The following CUBN variants were observed in gnomAD, a reference collection of about 807,000 sequenced individuals.
CUBN encodes cubilin, also known as 460 kDa receptor.
In CUBN, 282 loss-of-function variants were observed where a neutral mutation model predicts 405.3. The observed-to-expected ratio is 0.70, with a 90% CI of 0.63 to 0.77. The LOEUF (loss-of-function observed/expected upper bound fraction) is 0.77. Ranked by LOEUF, CUBN falls within the 30% of genes least tolerant of loss-of-function variation. The pLI is 0.00. For synonymous variants in CUBN, 1,684 were observed against 1,617.0 expected (o/e 1.04, Z -0.99); for missense variants, 4,514 against 4,475.2 (o/e 1.01, Z -0.25).
chr10:17,001,313 G>A lies in CUBN; in HGVS notation c.4169-10798C>T, dbSNP rs546145680. On this transcript the variant is annotated intron_variant, in intron 28 of 66. Coordinates refer to ENST00000377833, the MANE Select transcript of CUBN (RefSeq NM_001081.4). ...AACCCCAGTGGATTGCCACTGGTGC[G>A]CAGGAGGCCAGCTTTTATTCCCTTA... Among the ~76,000 whole-genome samples, 28 of 152,296 alleles carry A rather than the reference G, an allele frequency of 1.8e-4. No individual in the cohort carries two copies. The South Asian group carries it at 2.9e-3, about 16-fold the overall frequency.
rs1374216237 is a variant in CUBN, at chr10:16,829,055, G to C, written c.10529-15C>G. 1.2e-6 allele frequency: 2 copies of C among 1,603,272 alleles called. No individual in the cohort carries two copies. The highest frequency in any genetic ancestry group is 1.7e-6 in the Non-Finnish European group (2 of 1,171,382). On this transcript the variant is annotated splice_polypyrimidine_tract_variant and intron_variant, in intron 65 of 66. Coordinates refer to ENST00000377833, the MANE Select transcript of CUBN (RefSeq NM_001081.4). Reference sequence around the variant, plus strand: ...TCCACCACATCCTGCAAGGAAAACAGGACAGGAAGTTTGATTCAACAGCAT... The same window carrying C: ...TCCACCACATCCTGCAAGGAAAACACGACAGGAAGTTTGATTCAACAGCAT...
chr10:17,011,638 C>G (rs956339439), intron 28 of CUBN, among the ~76,000 whole-genome samples: 18 of 152,118 alleles, frequency 1.2e-4, no homozygotes, highest in Non-Finnish European at 1.5e-5. Context: ...CTTTTATTCC[C>G]TTATTTGGCC....
intron 64 of CUBN, among the ~76,000 whole-genome samples, chr10:16,832,326 A>G (rs957056863): frequency 1.3e-5 from 2 of 152,220 alleles, no homozygotes; most frequent in African/African-American, 4.8e-5. Context: ...ATATAATTCC[A>G]TGGTTTAAAC....
chr10:16,936,651 A>G (rs1046270285), intron 39 of CUBN, among the ~76,000 whole-genome samples: 2 of 152,202 alleles, frequency 1.3e-5, no homozygotes, highest in Non-Finnish European at 2.9e-5. Flanking sequence ...GAAATATCTG[A>G]TTAATTTCTT....
rs1390977420 is a variant in CUBN, at chr10:16,836,345, T to C, written c.10070A>G (p.Asn3357Ser). The C allele has an allele frequency of 6.2e-6, 10 of 1,614,074 alleles. No individual in the cohort carries two copies. Among genetic ancestry groups the C allele is most frequent in the Non-Finnish European group, 8.5e-6 (10 of 1,179,902 alleles). ...GNSRFQFCGR[N>S]ASAVPVFYSS... ...ATAAAACACTGGCACAGCCGAAGCATTTCTGCCACAGAACTGAAATCTTGA... is the reference window on the plus strand; with the variant it reads ...ATAAAACACTGGCACAGCCGAAGCACTTCTGCCACAGAACTGAAATCTTGA... The change falls in exon 63 of 67, where the codon AAT becomes AGT. Residue 3357 changes from asparagine to serine, a missense_variant. Physicochemically the swap from Asn to Ser is conservative, Grantham distance 46. Around this residue, in one of 5 missense-constraint regions of CUBN, gnomAD observed 1,186 missense variants for 1,186.9 expected, o/e 1.00. Coordinates refer to ENST00000377833, the MANE Select transcript of CUBN (RefSeq NM_001081.4).
intron 59 of CUBN, among the ~76,000 whole-genome samples, chr10:16,861,947 G>A (rs1417908099): frequency 2.6e-5 from 4 of 152,048 alleles, no homozygotes; most frequent in Admixed American, 2.0e-4. Flanking sequence ...TCAGGAGTTC[G>A]AGACCAGCCT....
chr10:17,100,863 GAATACTGAGCATACAAGAATAACAGGAAA>G (rs1836478946), intron 13 of CUBN, among the ~76,000 whole-genome samples: 1 of 152,108 alleles, frequency 6.6e-6, no homozygotes, highest in African/African-American at 2.4e-5. Context: ...ATGAGAGGAA[GAATACTGAGCATACAAGAATAACAGGAAA>G]AATACTGAGC....
At chr10:17,129,398 C>G in intron 1 of CUBN, 148 bp from the exon 2 acceptor site, 1 of 1,024,722 alleles carries the variant, frequency 9.8e-7, no homozygotes, top group Non-Finnish European at 1.5e-6. Context: ...TCATCTGCCA[C>G]TTTTTTCTCT....
chr10:16,896,204 AG>A (rs1841179007), intron 54 of CUBN, among the ~76,000 whole-genome samples: 2 of 152,186 alleles, frequency 1.3e-5, no homozygotes, highest in African/African-American at 2.4e-5. Context: ...ATGATTCACA[AG>A]CTTTATGGGG....
intron 6 of CUBN, among the ~76,000 whole-genome samples, chr10:17,119,803 A>C (rs1163301182): frequency 6.6e-6 from 1 of 152,228 alleles, no homozygotes; most frequent in Non-Finnish European, 1.5e-5. Flanking sequence ...TCAAGCCAAA[A>C]GAATCAGTGG....
intron 28 of CUBN, among the ~76,000 whole-genome samples, chr10:16,994,909 G>T (rs1833690448): frequency 6.6e-6 from 1 of 152,258 alleles, no homozygotes; most frequent in African/African-American, 2.4e-5. Flanking sequence ...GTCCCAACAT[G>T]GTGAAACCCT....
chr10:17,084,363 T>G lies in CUBN; in HGVS notation c.2209A>C (p.Met737Leu), dbSNP rs779604235. 5 of 1,614,050 alleles carry G rather than the reference T, an allele frequency of 3.1e-6. No individual in the cohort carries two copies. In the East Asian group the frequency reaches 8.9e-5, roughly 29 times the overall value. Residue 737 changes from methionine (M) to leucine (L), a missense_variant, in exon 17 of 67, where the codon ATG (methionine) becomes CTG (leucine). Met to Leu is a conservative substitution (Grantham distance 15). Transcript: ENST00000377833. ...TGTTCTCCCTGGGGCTGCTTCATCATATAGACGCATTGCCTGGTGTGAGTG... is the reference window on the plus strand; with the variant it reads ...TGTTCTCCCTGGGGCTGCTTCATCAGATAGACGCATTGCCTGGTGTGAGTG... ...PFTHTRQCVYMMKQPQGEQIQ... is the reference protein window; with the variant it reads ...PFTHTRQCVYLMKQPQGEQIQ...
chr10:17,123,023 A>G (rs1056790174), intron 5 of CUBN, 125 bp from the exon 6 acceptor site: 1 of 726,806 alleles, frequency 1.4e-6, no homozygotes, highest in African/African-American at 1.7e-5. Context: ...AGTCAAATAC[A>G]ATAATACTGA....
chr10:17,095,194 T>A (rs1322378425), intron 14 of CUBN, among the ~76,000 whole-genome samples: 2 of 151,978 alleles, frequency 1.3e-5, no homozygotes, highest in Non-Finnish European at 1.5e-5. Context: ...GAAAACTGGA[T>A]ATCCATTTGC....
intron 51 of CUBN, 140 bp downstream of exon 51, chr10:16,903,826 T>C (rs1182955888): frequency 1.9e-5 from 9 of 482,074 alleles, no homozygotes; most frequent in South Asian, 6.6e-5. Flanking sequence ...AAAATGTAAT[T>C]TAGAAAATCT....
At chr10:16,917,789 C>T (rs1252223098) in intron 45 of CUBN, among the ~76,000 whole-genome samples, 3 of 152,074 alleles carry the variant, frequency 2.0e-5, no homozygotes, top group African/African-American at 4.8e-5. Flanking sequence ...TTATTTCTAG[C>T]ATTAAAATAT....
chr10:16,922,917 G>A (rs1310676031), intron 43 of CUBN, among the ~76,000 whole-genome samples: 2 of 148,932 alleles, frequency 1.3e-5, no homozygotes, highest in Non-Finnish European at 3.0e-5. Flanking sequence ...TGGTATGATC[G>A]TGGCTCACTG....
At chr10:16,940,302 G>T in intron 36 of CUBN, 65 bp from the exon 37 acceptor site, 1 of 1,385,068 alleles carries the variant, frequency 7.2e-7, no homozygotes, top group Non-Finnish European at 1.0e-6. Flanking sequence ...GATTCTCCCG[G>T]ATCACATGCT....
At chr10:17,036,153 T>C (rs978185100) in intron 27 of CUBN, among the ~76,000 whole-genome samples, 1 of 152,090 alleles carries the variant, frequency 6.6e-6, no homozygotes, top group Non-Finnish European at 1.5e-5. Context: ...GTATCGTCCA[T>C]AGGCAGGCTA....
Sources: allele counts gnomAD v4.1 joint callset (sites outside exome capture counted in the v4.1 genomes callset), GRCh38; gene constraint gnomAD v4.1.1; regional missense constraint gnomAD v4.1.1; transcripts MANE v1.5; gene names NCBI Gene and HGNC (gene_info 2026-07-23, HGNC 2026-07-21).